AGPAT4: variants seen among roughly 807,000 people sequenced by gnomAD.
AGPAT4 encodes 1-acylglycerol-3-phosphate O-acyltransferase 4.
AGPAT4 carries 15 observed loss-of-function variants against 48.0 expected under a neutral mutation model. The ratio of observed to expected loss-of-function variants is 0.31; its 90% confidence interval spans 0.21 to 0.48. AGPAT4 has a LOEUF of 0.48. AGPAT4 is among the 20% of genes least tolerant of loss of function. AGPAT4 has a pLI of 0.99. For synonymous variants in AGPAT4, 178 were observed against 198.7 expected (o/e 0.90, Z 0.88); for missense variants, 314 against 482.5 (o/e 0.65, Z 3.27).
rs373544654 is a variant in AGPAT4, at chr6:161,171,612, G to A, written c.179-5195C>T. Among the ~76,000 whole-genome samples the A allele has an allele frequency of 2.0e-4, 30 of 152,168 alleles. No homozygotes were observed. The highest frequency in any genetic ancestry group is 5.8e-4 in the African/African-American group (24 of 41,524). ...TGCATTGGGAATTAAATTTCCAGCC[G>A]CACATGGTGGCTCATGCCTGTAATT... On this transcript the variant is annotated intron_variant, in intron 2 of 8. Transcript: ENST00000320285. This position sits in a 1 kb window ranked among gnomAD's most constrained non-coding sequence, Gnocchi z 4.4.
chr6:161,175,017 A>T (rs1386933633), intron 2 of AGPAT4, among the ~76,000 whole-genome samples: 1 of 152,174 alleles, frequency 6.6e-6, no homozygotes, highest in African/African-American at 2.4e-5. Flanking sequence ...CGTGGTGGAT[A>T]AGCTTTTTGA....
chr6:161,257,332 T>C (rs557161303), intron 1 of AGPAT4, among the ~76,000 whole-genome samples: 9 of 152,116 alleles, frequency 5.9e-5, no homozygotes, highest in African/African-American at 2.2e-4. Context: ...CACAGAACAA[T>C]ACATAGTGAA....
In AGPAT4 at chr6:161,206,021, A is replaced by C. The variant is rs373686533; in HGVS notation, c.178+26015T>G. On this transcript the variant is annotated intron_variant, in intron 2 of 8. Coordinates refer to ENST00000320285, the MANE Select transcript of AGPAT4 (RefSeq NM_020133.3). This position sits in a 1 kb window ranked among gnomAD's most constrained non-coding sequence, Gnocchi z 4.8. ...CACACCTCGGGATCTGAGGAACGAC[A>C]TGGTGGTGAACTCTTTGTACTCGTA... Among the ~76,000 whole-genome samples the C allele has an allele frequency of 2.0e-5, 3 of 152,048 alleles. No individual in the cohort carries two copies. Among genetic ancestry groups the C allele is most frequent in the East Asian group, 3.9e-4 (2 of 5,184 alleles).
chr6:161,235,179 T>G lies in AGPAT4; in HGVS notation c.-89-2877A>C, dbSNP rs897852516. Among the ~76,000 whole-genome samples the G allele has an allele frequency of 2.0e-5, 3 of 152,172 alleles. No individual in the cohort carries two copies. The highest frequency in any genetic ancestry group is 2.0e-4 in the Admixed American group (3 of 15,274). ...TCTTATTAGTTGTGTATTGGTACCC[T>G]ATTTTGGGCACATTAACTATTCTGC... On this transcript the variant is annotated intron_variant, in intron 1 of 8. Transcript: ENST00000320285. The surrounding 1 kb of genome is among the most constrained non-coding windows in gnomAD (Gnocchi z 6.2).
intron 2 of AGPAT4, among the ~76,000 whole-genome samples, chr6:161,186,407 G>A (rs963849526): frequency 1.3e-5 from 2 of 152,056 alleles, no homozygotes; most frequent in Non-Finnish European, 2.9e-5. Flanking sequence ...TTTCAACTTA[G>A]AGCAACTCGT....
chr6:161,159,890 A>T lies in AGPAT4; in HGVS notation c.349-5580T>A, dbSNP rs141168560. 6.0e-4 allele frequency among the ~76,000 whole-genome samples: 91 copies of T among 150,748 alleles called. No homozygotes were observed. The highest frequency in any genetic ancestry group is 2.2e-3 in the African/African-American group (89 of 41,020). ...GAACTCCTGACCTTCAGGTCTCCCAAAGTGCTGGGATGGGATTACAGGTGT... is the reference window on the plus strand; with the variant it reads ...GAACTCCTGACCTTCAGGTCTCCCATAGTGCTGGGATGGGATTACAGGTGT... On this transcript the variant is annotated intron_variant, in intron 3 of 8. Transcript: ENST00000320285. The surrounding 1 kb of genome is among the most constrained non-coding windows in gnomAD (Gnocchi z 4.1).
At position 161,266,917 on chromosome 6, in the gene AGPAT4, T is replaced by C. The variant is rs1012041373; in HGVS notation, c.-90+7021A>G. Among the ~76,000 whole-genome samples, 9 of 152,160 alleles carry C rather than the reference T, an allele frequency of 5.9e-5. No homozygotes were observed. The highest frequency in any genetic ancestry group is 1.5e-5 in the Non-Finnish European group (1 of 68,028). ...AATTTCACTCCAGGATCAATTCAAG[T>C]CTCCCATTCTCATTTCAGAGTTGAT... is the stretch of plus-strand genomic sequence containing the variant. On this transcript the variant is annotated intron_variant, in intron 1 of 8. Transcript: ENST00000320285. This position sits in a 1 kb window ranked among gnomAD's most constrained non-coding sequence, Gnocchi z 6.2.
In AGPAT4 at chr6:161,149,871, T is replaced by G. The variant is rs1352065796; in HGVS notation, c.665-582A>C. Among the ~76,000 whole-genome samples, 1 of 152,120 alleles carries G rather than the reference T, an allele frequency of 6.6e-6. No individual in the cohort carries two copies. The highest frequency in any genetic ancestry group is 1.5e-5 in the Non-Finnish European group (1 of 68,034). ...TCACTTTTAAAGCAATACTGCAAAG[T>G]CAGGTCTAGAGGTACTACGACGATG... On this transcript the variant is annotated intron_variant, in intron 5 of 8. Transcript: ENST00000320285. The surrounding 1 kb of genome is among the most constrained non-coding windows in gnomAD (Gnocchi z 6.5).
In AGPAT4 at chr6:161,164,193, G is replaced by A. The variant is rs191959859; in HGVS notation, c.348+2055C>T. On this transcript the variant is annotated intron_variant, in intron 3 of 8. Transcript: ENST00000320285. The surrounding 1 kb of genome is among the most constrained non-coding windows in gnomAD (Gnocchi z 7.4). ...GGTGCTGAGATTAAATTCCCGCTCC[G>A]TGAATGTCTCTTCCCGTCTGGGGGC... is the stretch of plus-strand genomic sequence containing the variant. 3.9e-5 allele frequency among the ~76,000 whole-genome samples: 6 copies of A among 152,312 alleles called. No homozygotes were observed. Among genetic ancestry groups the A allele is most frequent in the Admixed American group, 2.6e-4 (4 of 15,296 alleles).
Position 161,166,753 on chromosome 6 carries a change from C to T in AGPAT4, c.179-336G>A, listed in dbSNP as rs75908705. 3.5e-4 allele frequency among the ~76,000 whole-genome samples: 53 copies of T among 152,198 alleles called. No individual in the cohort carries two copies. In the East Asian group the frequency reaches 5.0e-3, roughly 14 times the overall value. On this transcript the variant is annotated intron_variant, in intron 2 of 8. Coordinates refer to ENST00000320285, the MANE Select transcript of AGPAT4 (RefSeq NM_020133.3). This position sits in a 1 kb window ranked among gnomAD's most constrained non-coding sequence, Gnocchi z 6.7. ...GTGTTTACAGAGCTCTGAAAGGCAGCGTGAGATGAGGTATAGAATTCTTAA... is the reference window on the plus strand; with the variant it reads ...GTGTTTACAGAGCTCTGAAAGGCAGTGTGAGATGAGGTATAGAATTCTTAA...
chr6:161,263,477 C>G (rs905576364), intron 1 of AGPAT4, among the ~76,000 whole-genome samples: 1 of 151,914 alleles, frequency 6.6e-6, no homozygotes, highest in Non-Finnish European at 1.5e-5. Flanking sequence ...GACAACAGAG[C>G]GAGACTCTCT....
chr6:161,181,904 CA>C, intron 2 of AGPAT4, among the ~76,000 whole-genome samples: 1 of 152,148 alleles, frequency 6.6e-6, no homozygotes. Flanking sequence ...GTGGGGTGGA[CA>C]AAAATCTTAC....
rs1044404851 is a variant in AGPAT4, at chr6:161,137,447, AAACT to A, written c.1043-817_1043-814del. The stretch of plus-strand genomic sequence containing the variant: ...ATCTAGCATTAGCATCGCGGTCGAT[AAACT>A]AACTGGGACATGGATGCAAGAGCCT... On this transcript the variant is annotated intron_variant, in intron 8 of 8. Coordinates refer to ENST00000320285, the MANE Select transcript of AGPAT4 (RefSeq NM_020133.3). This position sits in a 1 kb window ranked among gnomAD's most constrained non-coding sequence, Gnocchi z 6.1. 4.5e-4 allele frequency among the ~76,000 whole-genome samples: 69 copies of A among 152,354 alleles called. No homozygotes were observed. The highest frequency in any genetic ancestry group is 1.6e-3 in the African/African-American group (67 of 41,588).
Position 161,232,274 on chromosome 6 carries a change from GAAGA to G in AGPAT4, c.-65_-62del. On this transcript the variant is annotated 5_prime_UTR_variant, in exon 2 of 9. The change abolishes the stop of an existing upstream ORF in the 5' untranslated region. Coordinates refer to ENST00000320285, the MANE Select transcript of AGPAT4 (RefSeq NM_020133.3). The surrounding 1 kb of genome is among the most constrained non-coding windows in gnomAD (Gnocchi z 6.8). ...ACCCACAGTCAAAGATTTCCAGAAG[GAAGA>G]AAGATCCAGGACTCAGGAAGGCGTC... 3.3e-6 allele frequency: 5 copies of G among 1,525,892 alleles called. No individual in the cohort carries two copies. Among genetic ancestry groups the G allele is most frequent in the Middle Eastern group, 2.4e-4 (1 of 4,212 alleles). The allele number at this position is 1,525,892 out of a possible 1,614,324, so 94.5% of individuals were successfully genotyped here.
rs1011006778 is a variant in AGPAT4, at chr6:161,200,353, A to T, written c.178+31683T>A. ...TGTGTGCCAGGTACTATAGGAAGGG[A>T]TGCACAGTAAATGATGGAGTGCGCT... On this transcript the variant is annotated intron_variant, in intron 2 of 8. Transcript: ENST00000320285. This position sits in a 1 kb window ranked among gnomAD's most constrained non-coding sequence, Gnocchi z 5.5. Among the ~76,000 whole-genome samples, 23 of 152,234 alleles carry T rather than the reference A, an allele frequency of 1.5e-4. No homozygotes were observed. Among genetic ancestry groups the T allele is most frequent in the African/African-American group, 5.5e-4 (23 of 41,462 alleles).
At chr6:161,153,564 T>TGGCCCTGGGGTCACACAC (rs1779655576) in intron 4 of AGPAT4, 65 bp from the exon 5 acceptor site, 1 of 1,559,628 alleles carries the variant, frequency 6.4e-7, no homozygotes, top group Admixed American at 1.8e-5. Flanking sequence ...GGGTCATGCA[T>TGGCCCTGGGGTCACACAC]GGCCCTGGGG....
intron 2 of AGPAT4, among the ~76,000 whole-genome samples, chr6:161,190,564 G>C (rs1340800440): frequency 1.4e-5 from 2 of 144,360 alleles, no homozygotes; most frequent in African/African-American, 5.2e-5. Flanking sequence ...CTCATGGGAA[G>C]CTTTACCCAG....
At position 161,165,922 on chromosome 6, in the gene AGPAT4, G is replaced by A. The variant is rs1000705936; in HGVS notation, c.348+326C>T. On this transcript the variant is annotated intron_variant, in intron 3 of 8. Coordinates refer to ENST00000320285, the MANE Select transcript of AGPAT4 (RefSeq NM_020133.3). This position sits in a 1 kb window ranked among gnomAD's most constrained non-coding sequence, Gnocchi z 5.5. ...TCTAATTACAGCTGTGTGACTCTGA[G>A]CCGAATATTAAGCTCTATATAACTT... 3 of 602,374 alleles carry A rather than the reference G, an allele frequency of 5.0e-6. No homozygotes were observed. Among genetic ancestry groups the A allele is most frequent in the African/African-American group, 3.7e-5 (2 of 53,896 alleles). The allele number at this position is 602,374 out of a possible 1,614,324, so 37.3% of individuals were successfully genotyped here.
Position 161,232,182 on chromosome 6 carries a change from A to AACTGAG in AGPAT4, c.26_31dup (p.Ser9_Gln10dup). 1 of 1,614,138 alleles carries AACTGAG rather than the reference A, an allele frequency of 6.2e-7. No homozygotes were observed. Among genetic ancestry groups the AACTGAG allele is most frequent in the Non-Finnish European group, 8.5e-7 (1 of 1,180,026 alleles). ...GTAGCAGAAGACCAGGTGGCACAGG[A>AACTGAG]ACTGAGACTTCAGCAGTCCCGCGAG... On this transcript the variant is annotated inframe_insertion, in exon 2 of 9. Transcript: ENST00000320285. This position sits in a 1 kb window ranked among gnomAD's most constrained non-coding sequence, Gnocchi z 6.8.
Sources: gnomAD v4.1 joint callset for allele counts (sites outside exome capture counted in the v4.1 genomes callset) on GRCh38, gnomAD v4.1.1 for gene constraint, Gnocchi (gnomAD v3.1) non-coding constraint, MANE v1.5 for transcripts, NCBI Gene and HGNC (gene_info 2026-07-23, HGNC 2026-07-21) for gene names.